UBR4: variants seen among roughly 807,000 people sequenced by gnomAD.
The protein encoded by UBR4 is E3 ubiquitin-protein ligase UBR4.
In UBR4, 124 loss-of-function variants were observed where a neutral mutation model predicts 575.6. The observed-to-expected ratio is 0.22, with a 90% CI of 0.19 to 0.25. The LOEUF (loss-of-function observed/expected upper bound fraction) is 0.25. UBR4 is among the 10% of genes least tolerant of loss of function. The pLI, the probability that UBR4 is intolerant of heterozygous loss-of-function variation, is 1.00. For synonymous variants in UBR4, 2,455 were observed against 2,473.7 expected, an observed-to-expected ratio of 0.99 and a Z score of 0.22; for missense variants, 4,818 against 6,478.8, an observed-to-expected ratio of 0.74 and a Z score of 8.80.
intron 11 of UBR4, among the ~76,000 whole-genome samples, chr1:19,189,676 C>T (rs2091886414): frequency 6.6e-6 from 1 of 152,132 alleles, no homozygotes; most frequent in Middle Eastern, 3.2e-3. Flanking sequence ...TGGCTTGTCA[C>T]TTATACAACA....
At chr1:19,159,892 T>G (rs1199471692) in intron 39 of UBR4, among the ~76,000 whole-genome samples, 1 of 149,698 alleles carries the variant, frequency 6.7e-6, no homozygotes, top group Non-Finnish European at 1.5e-5. Context: ...AGGTGCATCC[T>G]TGGCCAATTC....
rs192118333 is a variant in UBR4, at chr1:19,192,915, G to A, written c.1144-375C>T. On this transcript the variant is annotated intron_variant, in intron 9 of 105. Coordinates refer to ENST00000375254, the MANE Select transcript of UBR4 (RefSeq NM_020765.3). ...CTCCTGCCTCAGCCTCCAGAGTAGCGGGGATTACAGGCATGCACCACCACA... is the reference window on the plus strand; with the variant it reads ...CTCCTGCCTCAGCCTCCAGAGTAGCAGGGATTACAGGCATGCACCACCACA... Among the ~76,000 whole-genome samples, 848 of 151,872 alleles carry A rather than the reference G, an allele frequency of 5.6e-3. 4 individuals are homozygous for A. Among genetic ancestry groups the A allele is most frequent in the Non-Finnish European group, 9.0e-3 (609 of 67,906 alleles).
chr1:19,136,490 GAGTA>G (rs2083213427), intron 60 of UBR4, among the ~76,000 whole-genome samples: 1 of 152,056 alleles, frequency 6.6e-6, no homozygotes, highest in South Asian at 2.1e-4. Context: ...ATTAAAAACA[GAGTA>G]AACAACTTCC....
chr1:19,164,194 A>C (rs1216869488), intron 33 of UBR4, 59 bp downstream of exon 33: 1 of 1,550,348 alleles, frequency 6.5e-7, no homozygotes, highest in East Asian at 2.3e-5. Flanking sequence ...GCTATAAAGA[A>C]AGTAACCCAC....
rs777431599 is a variant in UBR4, at chr1:19,127,658, G to A, written c.9193C>T (p.Arg3065Cys). 3 of 1,613,944 alleles carry A rather than the reference G, an allele frequency of 1.9e-6. No individual in the cohort carries two copies. The highest frequency in any genetic ancestry group is 1.3e-5 in the African/African-American group (1 of 74,884). Residue 3065 changes from arginine to cysteine, a missense_variant, in exon 63 of 106, where the codon CGC becomes TGC. Around this residue, in one of 29 missense-constraint regions of UBR4, gnomAD observed 550 missense variants for 791.5 expected, o/e 0.69. Transcript: ENST00000375254. ...GAAGACTTGGATCCAGATTTGGTGC[G>A]GGACATGAAGACACTCAGGAGTCTC... ...VMRLLSVFMS[R>C]TKSGSKSSIC...
Position 19,121,149 on chromosome 1 carries a change from T to C in UBR4, c.10141+40A>G, listed in dbSNP as rs748266776. 7.5e-6 allele frequency: 12 copies of C among 1,600,520 alleles called. No individual in the cohort carries two copies. The East Asian group carries it at 1.1e-4, about 15-fold the overall frequency. ...CCATGTGCTCCAAGAGAGATTTACA[T>C]ACATCATTGTAGTCACAATGACAAG... On this transcript the variant is annotated intron_variant, in intron 68 of 105. Coordinates refer to ENST00000375254, the MANE Select transcript of UBR4 (RefSeq NM_020765.3).
At chr1:19,095,398 T>TTTGG in intron 93 of UBR4, 147 bp downstream of exon 93, 1 of 770,792 alleles carries the variant, frequency 1.3e-6, no homozygotes, top group East Asian at 2.7e-5. Context: ...GGCAGCTGAA[T>TTTGG]GACCCAAGCC....
chr1:19,198,757 TG>T (rs1219558679), intron 4 of UBR4, 41 bp downstream of exon 4: 5 of 1,613,084 alleles, frequency 3.1e-6, no homozygotes, highest in East Asian at 2.2e-5. Context: ...AAAGGTGCCA[TG>T]GGGGTGGTCA....
At position 19,165,233 on chromosome 1, in the gene UBR4, A is replaced by C; in HGVS notation, c.4312+16T>G. 6.2e-7 allele frequency: 1 copy of C among 1,606,576 alleles called. No homozygotes were observed. Among genetic ancestry groups the C allele is most frequent in the Non-Finnish European group, 8.5e-7 (1 of 1,173,254 alleles). On this transcript the variant is annotated intron_variant, in intron 31 of 105. Coordinates refer to ENST00000375254, the MANE Select transcript of UBR4 (RefSeq NM_020765.3). ...TCAAAGTTCCCATAAGAAGATTACTAAAAGCTGTCACTCACTCAGCTGGAA... is the reference window on the plus strand; with the variant it reads ...TCAAAGTTCCCATAAGAAGATTACTCAAAGCTGTCACTCACTCAGCTGGAA...
intron 58 of UBR4, among the ~76,000 whole-genome samples, chr1:19,140,545 C>T (rs1360431077): frequency 3.3e-5 from 5 of 152,242 alleles, no homozygotes; most frequent in Non-Finnish European, 7.3e-5. Flanking sequence ...GCCGCTCTCT[C>T]GGCTTTTCCG....
In UBR4 at chr1:19,150,592, C is replaced by T; in HGVS notation, c.7415G>A (p.Gly2472Glu). 6.2e-7 allele frequency: 1 copy of T among 1,613,314 alleles called. No homozygotes were observed. Among genetic ancestry groups the T allele is most frequent in the Middle Eastern group, 1.9e-4 (1 of 5,330 alleles). Residue 2472 changes from glycine to glutamate, a missense_variant, in exon 49 of 106, where the codon GGA becomes GAA. Gly to Glu is a moderately conservative substitution (Grantham distance 98). Around this residue, in one of 29 missense-constraint regions of UBR4, gnomAD observed 340 missense variants for 375.4 expected, o/e 0.91. Coordinates refer to ENST00000375254, the MANE Select transcript of UBR4 (RefSeq NM_020765.3). ...SDSAAPTTTS[G>E]TVLERLVVSS... The stretch of plus-strand genomic sequence containing the variant: ...GCACTGGTACCTCTCCAGGACAGTT[C>T]CACTGGTCGTAGTGGGGGCAGCTGA...
intron 50 of UBR4, 130 bp from the exon 51 acceptor site, chr1:19,148,257 G>GA (rs199984248): frequency 0.1 from 86,348 of 853,510 alleles, 306 homozygotes; most frequent in East Asian, 0.27. Context: ...ACTGCAAAGA[G>GA]AAAAAAAAAA....
At position 19,139,026 on chromosome 1, in the gene UBR4, C is replaced by T; in HGVS notation, c.8731+57G>A. ...CAACCCCAAGACCCAAGCAGAGATT[C>T]CTGTTTTGTCCCCACCCTCTGCCCA... On this transcript the variant is annotated intron_variant, in intron 59 of 105. Transcript: ENST00000375254. The surrounding 1 kb of genome is among the most constrained non-coding windows in gnomAD (Gnocchi z 4.2). 6.6e-7 allele frequency: 1 copy of T among 1,524,450 alleles called. No homozygotes were observed. The highest frequency in any genetic ancestry group is 8.9e-7 in the Non-Finnish European group (1 of 1,129,728). The allele number at this position is 1,524,450 out of a possible 1,614,324, so 94.4% of individuals were successfully genotyped here. A position where few individuals can be genotyped will look rare whatever the true frequency, so the allele number is the denominator to read the frequency against.
Position 19,150,560 on chromosome 1 carries a change from C to G in UBR4, c.7430+17G>C, listed in dbSNP as rs2085533633. 2 of 1,612,056 alleles carry G rather than the reference C, an allele frequency of 1.2e-6. No homozygotes were observed. Among genetic ancestry groups the G allele is most frequent in the African/African-American group, 2.7e-5 (2 of 74,938 alleles). On this transcript the variant is annotated intron_variant, in intron 49 of 105. Coordinates refer to ENST00000375254, the MANE Select transcript of UBR4 (RefSeq NM_020765.3). Reference sequence around the variant, plus strand: ...GAATATGTAAAAACTGAAGCCAACCCCTGCCAGCACTGGTACCTCTCCAGG... The same window carrying G: ...GAATATGTAAAAACTGAAGCCAACCGCTGCCAGCACTGGTACCTCTCCAGG...
rs1290642115 is a variant in UBR4, at chr1:19,198,818, T to C, written c.489A>G (p.Thr163=). 1 of 1,614,258 alleles carries C rather than the reference T, an allele frequency of 6.2e-7. No individual in the cohort carries two copies. Among genetic ancestry groups the C allele is most frequent in the South Asian group, 1.1e-5 (1 of 91,088 alleles). ...ACCCACCGTCTGAAAGTGTCTTCACTGTTTGGGGCAGCTTGGCGGATTTCA... is the reference window on the plus strand; with the variant it reads ...ACCCACCGTCTGAAAGTGTCTTCACCGTTTGGGGCAGCTTGGCGGATTTCA... ...AMMKSAKLPQ[T]VKTLSDVEDQ... Residue 163 remains threonine (T), a synonymous_variant, in exon 4 of 106, where the codon ACA becomes ACG. Coordinates refer to ENST00000375254, the MANE Select transcript of UBR4 (RefSeq NM_020765.3).
In UBR4 at chr1:19,128,221, A is replaced by C. The variant is rs765625044; in HGVS notation, c.9101T>G (p.Met3034Arg). 1 of 1,613,986 alleles carries C rather than the reference A, an allele frequency of 6.2e-7. No individual in the cohort carries two copies. The highest frequency in any genetic ancestry group is 8.5e-7 in the Non-Finnish European group (1 of 1,179,876). ...LLSQLIAELG[M>R]DKKDVSKKNE... Reference sequence around the variant, plus strand: ...CCTCTCAGATTTTACCTTTTTATCCATACCCAACTCAGCAATAAGCTGGGA... The same window carrying C: ...CCTCTCAGATTTTACCTTTTTATCCCTACCCAACTCAGCAATAAGCTGGGA... Residue 3034 changes from methionine to arginine, a missense_variant, in exon 62 of 106, where the codon ATG (methionine) becomes AGG (arginine). By Grantham distance (91) the Met-to-Arg change is moderately conservative. Coordinates refer to ENST00000375254, the MANE Select transcript of UBR4 (RefSeq NM_020765.3).
chr1:19,170,705 T>C, intron 26 of UBR4, 57 bp downstream of exon 26: 1 of 1,612,402 alleles, frequency 6.2e-7, no homozygotes, highest in South Asian at 1.1e-5. Context: ...GAAGCCATAG[T>C]ACTAGCAGTA....
At chr1:19,137,693 T>C (rs1414811743) in intron 60 of UBR4, among the ~76,000 whole-genome samples, 1 of 152,172 alleles carries the variant, frequency 6.6e-6, no homozygotes, top group African/African-American at 2.4e-5. Flanking sequence ...AGTGTACAGA[T>C]ATTGATGAAA....
intron 8 of UBR4, 107 bp downstream of exon 8, chr1:19,197,034 A>G: frequency 7.3e-7 from 1 of 1,366,648 alleles, no homozygotes; most frequent in Non-Finnish European, 1.0e-6. Flanking sequence ...TCCTTGAGAG[A>G]AGGAAGCAAG....
Sources: allele counts gnomAD v4.1 joint callset (sites outside exome capture counted in the v4.1 genomes callset), GRCh38; gene constraint gnomAD v4.1.1; regional missense constraint gnomAD v4.1.1; non-coding constraint Gnocchi (gnomAD v3.1); transcripts MANE v1.5; gene names NCBI Gene and HGNC (gene_info 2026-07-23, HGNC 2026-07-21).